Variants in DIAPH2 observed in about 807,000 individuals in gnomAD.
DIAPH2 encodes the protein diaphanous related formin 2.
In DIAPH2, 35 loss-of-function variants were observed where a neutral mutation model predicts 92.7. The observed-to-expected ratio is 0.38, with a 90% CI of 0.29 to 0.50. The LOEUF is 0.50. Ranked by LOEUF, DIAPH2 falls within the 20% of genes least tolerant of loss-of-function variation. DIAPH2 has a pLI of 0.94. For synonymous variants in DIAPH2, 301 were observed against 280.4 expected, an observed-to-expected ratio of 1.07 and a Z score of -0.73; for missense variants, 701 against 819.5, an observed-to-expected ratio of 0.86 and a Z score of 1.77.
intron 4 of DIAPH2, among the ~76,000 whole-genome samples, chrX:96,768,932 C>T (rs180815160): frequency 2.0e-3 from 218 of 111,413 alleles, no homozygotes; most frequent in African/African-American, 6.4e-3. Context: ...AGCCAGGAGC[C>T]CTGGAAGGGT....
intron 22 of DIAPH2, among the ~76,000 whole-genome samples, chrX:97,155,411 G>A (rs2067315260): frequency 9.1e-6 from 1 of 109,364 alleles, no homozygotes; most frequent in Non-Finnish European, 1.9e-5. Context: ...TGAGGCAGGA[G>A]AATCACTTGA....
At chrX:97,227,734 A>AT (rs1182477476) in intron 22 of DIAPH2, among the ~76,000 whole-genome samples, 1 of 111,885 alleles carries the variant, frequency 8.9e-6, no homozygotes, top group Non-Finnish European at 1.9e-5. Context: ...AATCAAGAAG[A>AT]TTTTTTTAGA....
At chrX:96,707,922 G>A (rs763071125) in intron 1 of DIAPH2, among the ~76,000 whole-genome samples, 1 of 111,410 alleles carries the variant, frequency 9.0e-6, no homozygotes, top group East Asian at 2.8e-4. Flanking sequence ...CCAAGAAAAT[G>A]TTTCTTTGGG....
rs749731311 is a variant in DIAPH2, at chrX:96,832,151, A to G, written c.448-49428A>G. On this transcript the variant is annotated intron_variant, in intron 4 of 26. Transcript: ENST00000324765. ...TTTTCAAAGATGTGTGTGTACTTGG[A>G]TTTATATTATAAAAATGTATGGAAC... 7.1e-5 allele frequency among the ~76,000 whole-genome samples: 8 copies of G among 112,047 alleles called. No homozygotes were observed. In the East Asian group the frequency reaches 2.2e-3, roughly 31 times the overall value.
chrX:97,133,436 T>A (rs2067151279), intron 21 of DIAPH2, among the ~76,000 whole-genome samples: 1 of 111,790 alleles, frequency 8.9e-6, no homozygotes, highest in Non-Finnish European at 1.9e-5. Flanking sequence ...TACAGGCATG[T>A]GCCACCACGC....
At chrX:97,510,945 A>C (rs1356310058) in intron 26 of DIAPH2, among the ~76,000 whole-genome samples, 4 of 108,766 alleles carry the variant, frequency 3.7e-5, no homozygotes, top group Non-Finnish European at 7.7e-5. Flanking sequence ...AGGTAGCGTG[A>C]TGCCTCCAGC....
intron 22 of DIAPH2, among the ~76,000 whole-genome samples, chrX:97,156,347 G>A (rs947243361): frequency 8.9e-6 from 1 of 112,121 alleles, no homozygotes; most frequent in South Asian, 3.7e-4. Flanking sequence ...TTTTATGAAA[G>A]CAGCAAGGCA....
rs752809881 is a variant in DIAPH2 at position 96,779,591 on chromosome X, A to T, written c.447+21333A>T. 4.4e-5 allele frequency among the ~76,000 whole-genome samples: 5 copies of T among 112,446 alleles called. No individual in the cohort carries two copies. In the East Asian group the frequency reaches 1.4e-3, roughly 31 times the overall value. ...AAAATCTACTTTTCTATCTTATCAG[A>T]TACAAGTCTTACTTCAGATTGCTAT... On this transcript the variant is annotated intron_variant, in intron 4 of 26. Coordinates refer to ENST00000324765, the MANE Select transcript of DIAPH2 (RefSeq NM_006729.5).
At chrX:97,497,483 A>G (rs750919291) in intron 26 of DIAPH2, among the ~76,000 whole-genome samples, 1 of 104,311 alleles carries the variant, frequency 9.6e-6, no homozygotes, top group South Asian at 4.4e-4. Context: ...TTTGTACCCT[A>G]TCTTTTGCTT....
At chrX:97,561,262 A>G (rs1237142735) in intron 26 of DIAPH2, among the ~76,000 whole-genome samples, 1 of 112,397 alleles carries the variant, frequency 8.9e-6, no homozygotes, top group Non-Finnish European at 1.9e-5. Flanking sequence ...TGCCAGTGAT[A>G]GACATATGAG....
chrX:97,367,925 C>T (rs1203464756), intron 24 of DIAPH2, among the ~76,000 whole-genome samples: 2 of 111,095 alleles, frequency 1.8e-5, no homozygotes, highest in Admixed American at 9.5e-5. Context: ...AGGTTGGTCT[C>T]GAACTCCTGA....
intron 17 of DIAPH2, among the ~76,000 whole-genome samples, chrX:97,047,542 CTTTTTTTTTTTT>C (rs5903064): frequency 3.3e-5 from 1 of 30,101 alleles, no homozygotes; most frequent in Non-Finnish European, 5.5e-5. Context: ...ATAAAATAGG[CTTTTTTTTTTTT>C]TTTTTTTTTT....
chrX:97,102,609 A>G (rs746816957), intron 20 of DIAPH2, among the ~76,000 whole-genome samples: 295 of 111,899 alleles, frequency 2.6e-3, no homozygotes, highest in African/African-American at 9.0e-3. Flanking sequence ...TCCTCATGAC[A>G]AACCCTACGA....
chrX:96,944,602 T>A (rs752598107), intron 13 of DIAPH2, among the ~76,000 whole-genome samples: 5 of 112,074 alleles, frequency 4.5e-5, no homozygotes, highest in South Asian at 3.7e-4. Flanking sequence ...TTGCATTTTT[T>A]AAAATTTTAT....
At chrX:97,500,583 A>C (rs1286767953) in intron 26 of DIAPH2, among the ~76,000 whole-genome samples, 3 of 109,285 alleles carry the variant, frequency 2.7e-5, no homozygotes, top group Non-Finnish European at 5.7e-5. Context: ...ACATAGCCTA[A>C]GAATGAGCTT....
intron 21 of DIAPH2, among the ~76,000 whole-genome samples, chrX:97,125,841 G>C (rs2067090667): frequency 8.9e-6 from 1 of 112,059 alleles, no homozygotes; most frequent in Admixed American, 9.5e-5. Context: ...TAGTATAACT[G>C]GCAGAGATGA....
At chrX:97,469,952 A>T in intron 26 of DIAPH2, 1 of 571,445 alleles carries the variant, frequency 1.7e-6, no homozygotes, top group Non-Finnish European at 2.5e-6. Context: ...CCTGGAAAGA[A>T]AATATAGACT....
intron 17 of DIAPH2, among the ~76,000 whole-genome samples, chrX:96,981,037 G>T (rs1393722720): frequency 9.4e-6 from 1 of 106,367 alleles, no homozygotes; most frequent in East Asian, 2.9e-4. Flanking sequence ...GCCAGGCATG[G>T]TGGCATGCAC....
At chrX:96,806,515 G>A (rs1359154010) in intron 4 of DIAPH2, among the ~76,000 whole-genome samples, 1 of 105,366 alleles carries the variant, frequency 9.5e-6, no homozygotes, top group Non-Finnish European at 1.9e-5. Flanking sequence ...GAGTGGTGGC[G>A]CATGCCTGTA....
Sources: gnomAD v4.1 joint callset for allele counts (sites outside exome capture counted in the v4.1 genomes callset) on GRCh38, gnomAD v4.1.1 for gene constraint, MANE v1.5 for transcripts, NCBI Gene and HGNC (gene_info 2026-07-23, HGNC 2026-07-21) for gene names.